POTEE: variants seen among roughly 807,000 people sequenced by gnomAD.
POTEE encodes the protein ANKRD26-like family C member 1A.
Under a neutral mutation model 74.2 loss-of-function variants are expected in POTEE, and 21 were observed. That is an observed-to-expected ratio of 0.28 (90% confidence interval 0.20 to 0.41). The LOEUF (loss-of-function observed/expected upper bound fraction) is 0.41. Among genes scored for constraint, POTEE ranks in the 10% least tolerant of loss-of-function variants. The pLI, the probability that POTEE is intolerant of heterozygous loss-of-function variation, is 1.00. For synonymous variants in POTEE, 211 were observed against 432.8 expected (o/e 0.49, Z 6.36); for missense variants, 525 against 1,158.6 (o/e 0.45, Z 7.94).
intron 8 of POTEE, among the ~76,000 whole-genome samples, chr2:131,228,847 G>A (rs1468351996): frequency 6.9e-6 from 1 of 145,394 alleles, no homozygotes; most frequent in East Asian, 1.9e-4. Flanking sequence ...AGAAGGAGGA[G>A]GAAAAAAGAC....
At chr2:131,223,219 G>T (rs6430642) in intron 4 of POTEE, among the ~76,000 whole-genome samples, 67,108 of 86,326 alleles carry the variant, frequency 0.78, 27,101 homozygotes, top group Non-Finnish European at 0.84. Flanking sequence ...CTATATCTTT[G>T]GTGCAGAGTC....
In POTEE at chr2:131,263,512, A is replaced by G. The variant is rs1246772176; in HGVS notation, c.2057A>G (p.Lys686Arg). The change falls in exon 18 of 18, where the codon AAG becomes AGG. Residue 686 changes from lysine to arginine, a missense_variant. By Grantham distance (26) the Lys-to-Arg change is conservative. Coordinates refer to ENST00000683005, the MANE Select transcript of POTEE (RefSeq NM_001083538.3). ...GAGGATATTGAAAGTGTGAAAAAAA[A>G]GAATGATAATCTTTTAAAGGCTCTA... ...YLEDIESVKK[K>R]NDNLLKALQL... 2.8e-4 allele frequency: 455 copies of G among 1,610,514 alleles called. 2 individuals are homozygous for G. In the African/African-American group the frequency reaches 5.5e-3, roughly 19 times the overall value.
intron 2 of POTEE, among the ~76,000 whole-genome samples, chr2:131,211,603 A>G (rs1178841598): frequency 1.7e-5 from 2 of 120,452 alleles, no homozygotes; most frequent in Non-Finnish European, 3.2e-5. Flanking sequence ...CCCAGGCTGG[A>G]GTGCAGTGGT....
At chr2:131,228,758 T>C (rs1700857851) in intron 8 of POTEE, among the ~76,000 whole-genome samples, 1 of 147,180 alleles carries the variant, frequency 6.8e-6, no homozygotes, top group African/African-American at 2.7e-5. Flanking sequence ...CTGGGGACTA[T>C]GTCCTACATA....
At position 131,209,712 on chromosome 2, in the gene POTEE, A is replaced by G; in HGVS notation, c.-452A>G. 6.6e-6 allele frequency among the ~76,000 whole-genome samples: 1 copy of G among 152,154 alleles called. No homozygotes were observed. The highest frequency in any genetic ancestry group is 1.5e-5 in the Non-Finnish European group (1 of 67,996). On this transcript the variant is annotated 5_prime_UTR_variant, in exon 1 of 18. Coordinates refer to ENST00000683005, the MANE Select transcript of POTEE (RefSeq NM_001083538.3). The stretch of plus-strand genomic sequence containing the variant: ...AGACGAGTAGAAGGGAGCAGCACCG[A>G]CGCATGCTGGAGGCTGGAGCCTGAG...
At chr2:131,210,515 C>T (rs1327404207) in intron 1 of POTEE, among the ~76,000 whole-genome samples, 3 of 151,916 alleles carry the variant, frequency 2.0e-5, no homozygotes, top group Admixed American at 2.0e-4. Context: ...CTCCTTGCTC[C>T]TTCGGGTAAC....
rs1294777336 is a variant in POTEE, at chr2:131,218,919, A to AAG, written c.520_521dup (p.Thr175GlyfsTer15). 1 of 1,612,914 alleles carries AAG rather than the reference A, an allele frequency of 6.2e-7. No individual in the cohort carries two copies. The highest frequency in any genetic ancestry group is 8.5e-7 in the Non-Finnish European group (1 of 1,179,990). On this transcript the variant is annotated frameshift_variant, in exon 4 of 18. Coordinates refer to ENST00000683005, the MANE Select transcript of POTEE (RefSeq NM_001083538.3). LOFTEE classifies it high-confidence loss of function. ...TGACGTGAACAAGAAGGACAAGCAA[A>AAG]AGAGGTAACCAGGCCTGGGCTGGGA...
Position 131,220,974 on chromosome 2 carries a change from GA to G in POTEE, c.521+2062del, listed in dbSNP as rs1200075899. Among the ~76,000 whole-genome samples, 644 of 116,312 alleles carry G rather than the reference GA, an allele frequency of 5.5e-3. 7 individuals carry two copies. The highest frequency in any genetic ancestry group is 0.017 in the African/African-American group (595 of 35,048). 76.3% of individuals were successfully genotyped at this position (116,312 alleles called of 152,430 possible). A position where few individuals can be genotyped will look rare whatever the true frequency, so the allele number is the denominator to read the frequency against. ...AGACTCCATCTCAAAAAAAAAAAAA[GA>G]AAAAAAAAAAGGAATGAAATACTGT... On this transcript the variant is annotated intron_variant, in intron 4 of 17. Coordinates refer to ENST00000683005, the MANE Select transcript of POTEE (RefSeq NM_001083538.3).
intron 6 of POTEE, among the ~76,000 whole-genome samples, chr2:131,225,004 G>T (rs1181941105): frequency 1.2e-4 from 18 of 152,008 alleles, no homozygotes; most frequent in Admixed American, 1.2e-3. Context: ...AAAATCATGT[G>T]GTGTTTTCAG....
chr2:131,226,740 G>C, intron 6 of POTEE, 83 bp from the exon 7 acceptor site: 1 of 1,598,904 alleles, frequency 6.3e-7, no homozygotes, highest in Non-Finnish European at 8.5e-7. Flanking sequence ...AAGTCCATAA[G>C]ATCTTACATA....
At chr2:131,221,632 C>G (rs1413051982) in intron 4 of POTEE, among the ~76,000 whole-genome samples, 1 of 152,166 alleles carries the variant, frequency 6.6e-6, no homozygotes, top group African/African-American at 2.4e-5. Flanking sequence ...CTTCTGTGAA[C>G]TTTTACCCTC....
At chr2:131,248,114 T>C (rs1401392285) in intron 13 of POTEE, among the ~76,000 whole-genome samples, 1 of 146,640 alleles carries the variant, frequency 6.8e-6, no homozygotes. Flanking sequence ...CACCCGTCCA[T>C]GGTGAAATAA....
At chr2:131,212,166 T>C (rs1179009047) in intron 2 of POTEE, among the ~76,000 whole-genome samples, 1 of 152,012 alleles carries the variant, frequency 6.6e-6, no homozygotes, top group Non-Finnish European at 1.5e-5. Flanking sequence ...TACTATGTTT[T>C]AGGGATGAGG....
intron 3 of POTEE, 73 bp from the exon 4 acceptor site, chr2:131,218,237 G>T: frequency 5.9e-6 from 7 of 1,187,030 alleles, no homozygotes; most frequent in Non-Finnish European, 8.2e-6. Flanking sequence ...TTCCCTGGGT[G>T]GGGTGGGCTG....
intron 2 of POTEE, among the ~76,000 whole-genome samples, chr2:131,215,116 A>C (rs780088158): frequency 2.0e-5 from 3 of 151,202 alleles, no homozygotes; most frequent in Non-Finnish European, 4.4e-5. Context: ...ATAATGTGTC[A>C]CAATATATTT....
At chr2:131,210,076 G>A (rs1158735529) in intron 1 of POTEE, among the ~76,000 whole-genome samples, 2 of 142,182 alleles carry the variant, frequency 1.4e-5, no homozygotes, top group African/African-American at 2.7e-5. Flanking sequence ...GGGGTTAGGG[G>A]CACTATTTTC....
chr2:131,219,411 CCTGTGCT>C, intron 4 of POTEE, among the ~76,000 whole-genome samples: 1 of 151,192 alleles, frequency 6.6e-6, no homozygotes, highest in Non-Finnish European at 1.5e-5. Context: ...GAAGATGGTT[CCTGTGCT>C]TGAACAGGAA....
intron 3 of POTEE, 154 bp from the exon 4 acceptor site, chr2:131,218,156 G>A (rs562195337): frequency 3.8e-5 from 33 of 861,130 alleles, no homozygotes; most frequent in Non-Finnish European, 5.4e-5. Flanking sequence ...CCTTTCTGGG[G>A]TTGGCCCTTT....
chr2:131,211,624 C>T (rs1258338040), intron 2 of POTEE, among the ~76,000 whole-genome samples: 1 of 141,382 alleles, frequency 7.1e-6, no homozygotes, highest in Non-Finnish European at 1.5e-5. Flanking sequence ...GCGATCTCGG[C>T]TCACTGCAAG....
Sources: gnomAD v4.1 joint callset for allele counts (sites outside exome capture counted in the v4.1 genomes callset) on GRCh38, gnomAD v4.1.1 for gene constraint, MANE v1.5 for transcripts, NCBI Gene and HGNC (gene_info 2026-07-23, HGNC 2026-07-21) for gene names.